TM9SF2: variants seen among roughly 807,000 people sequenced by gnomAD.
The protein encoded by TM9SF2 is 76 kDa membrane protein.
TM9SF2 carries 13 observed loss-of-function variants against 84.9 expected under a neutral mutation model. The ratio of observed to expected loss-of-function variants is 0.15; its 90% CI spans 0.10 to 0.24. TM9SF2 has a LOEUF of 0.24. Among genes scored for constraint, TM9SF2 ranks in the 10% least tolerant of loss-of-function variants. TM9SF2 has a pLI of 1.00. For synonymous variants in TM9SF2, 273 were observed against 285.8 expected, an observed-to-expected ratio of 0.96 and a Z score of 0.45; for missense variants, 562 against 818.5, an observed-to-expected ratio of 0.69 and a Z score of 3.82.
At position 99,506,819 on chromosome 13, in the gene TM9SF2, G is replaced by T. The variant is rs571962250; in HGVS notation, c.171+5042G>T. ...TGGTCTGTGCACTGTCAGCCTTAGAGCCCAGCTGCCCAAACCCTTACTTCC... is the reference window on the plus strand; with the variant it reads ...TGGTCTGTGCACTGTCAGCCTTAGATCCCAGCTGCCCAAACCCTTACTTCC... On this transcript the variant is annotated intron_variant, in intron 1 of 16. Coordinates refer to ENST00000376387, the MANE Select transcript of TM9SF2 (RefSeq NM_004800.3). Among the ~76,000 whole-genome samples, 8 of 152,264 alleles carry T rather than the reference G, an allele frequency of 5.3e-5. No homozygotes were observed. The South Asian group carries it at 1.5e-3, about 28-fold the overall frequency.
intron 5 of TM9SF2, 148 bp from the exon 6 acceptor site, chr13:99,537,587 TTAAG>T (rs1368988686): frequency 3.3e-6 from 2 of 598,888 alleles, no homozygotes; most frequent in African/African-American, 3.9e-5. Context: ...TAAAAAGAGT[TTAAG>T]TATAAAATTG....
intron 3 of TM9SF2, among the ~76,000 whole-genome samples, chr13:99,529,021 C>CT (rs371387884): frequency 4.6e-5 from 7 of 151,798 alleles, no homozygotes; most frequent in African/African-American, 1.2e-4. Flanking sequence ...TGCTGAATCT[C>CT]TATCACCTGA....
rs1204301851 is a variant in TM9SF2 at position 99,501,508 on chromosome 13, C to T, written c.-99C>T. 2 of 1,464,122 alleles carry T rather than the reference C, an allele frequency of 1.4e-6. No homozygotes were observed. The highest frequency in any genetic ancestry group is 1.8e-6 in the Non-Finnish European group (2 of 1,091,754). 90.7% of individuals were successfully genotyped at this position (1,464,122 alleles called of 1,614,324 possible). ...AACTAGCCTTCTGGGGGCCGGCTTC[C>T]TTTATCTCTGGCGGCCTTGTAGTCG... On this transcript the variant is annotated 5_prime_UTR_variant, in exon 1 of 17. Transcript: ENST00000376387.
chr13:99,517,638 A>C lies in TM9SF2; in HGVS notation c.196A>C (p.Arg66=). 1.3e-6 allele frequency: 2 copies of C among 1,588,744 alleles called. No individual in the cohort carries two copies. Among genetic ancestry groups the C allele is most frequent in the Non-Finnish European group, 1.7e-6 (2 of 1,168,982 alleles). Residue 66 remains arginine, a synonymous_variant, in exon 2 of 17, where the codon AGA becomes CGA. Coordinates refer to ENST00000376387, the MANE Select transcript of TM9SF2 (RefSeq NM_004800.3). ...CKAEIELFVN[R]LDSVESVLPY... ...GGCCGAAATAGAACTATTTGTGAAC[A>C]GACTTGATTCAGTGGAATCAGTTCT...
intron 3 of TM9SF2, among the ~76,000 whole-genome samples, chr13:99,523,915 C>A (rs899792448): frequency 1.3e-5 from 2 of 152,038 alleles, no homozygotes; most frequent in Non-Finnish European, 2.9e-5. Context: ...AAAAGCCTTA[C>A]CGAGAAGGTG....
intron 12 of TM9SF2, among the ~76,000 whole-genome samples, chr13:99,550,762 T>G (rs1015217830): frequency 2.0e-5 from 3 of 152,226 alleles, no homozygotes; most frequent in African/African-American, 7.2e-5. Flanking sequence ...TATTGAGCAT[T>G]GTTTTCAGGT....
At chr13:99,525,624 C>T (rs372946926) in intron 3 of TM9SF2, among the ~76,000 whole-genome samples, 4 of 148,628 alleles carry the variant, frequency 2.7e-5, no homozygotes, top group East Asian at 4.0e-4. Context: ...GGCGTGATCT[C>T]GGCTTACTGC....
At chr13:99,536,990 AG>A (rs1487031659) in intron 5 of TM9SF2, among the ~76,000 whole-genome samples, 1 of 152,218 alleles carries the variant, frequency 6.6e-6, no homozygotes, top group Non-Finnish European at 1.5e-5. Context: ...GGTAAGGTCT[AG>A]AAGTTTGTCC....
At chr13:99,547,810 T>A (rs923258752) in intron 11 of TM9SF2, among the ~76,000 whole-genome samples, 3 of 152,148 alleles carry the variant, frequency 2.0e-5, no homozygotes, top group Non-Finnish European at 4.4e-5. Context: ...ATACAGTGAT[T>A]CCCCACGGTC....
chr13:99,504,396 A>G (rs1034417672), intron 1 of TM9SF2, among the ~76,000 whole-genome samples: 3 of 152,230 alleles, frequency 2.0e-5, no homozygotes, highest in African/African-American at 7.2e-5. Context: ...GGATAATCAT[A>G]TTTGATTATG....
chr13:99,516,721 C>T (rs1360727554), intron 1 of TM9SF2, among the ~76,000 whole-genome samples: 2 of 152,224 alleles, frequency 1.3e-5, no homozygotes, highest in Non-Finnish European at 2.9e-5. Flanking sequence ...CCACCTTCTT[C>T]ACTGCTACTA....
At chr13:99,512,305 A>G (rs367860692) in intron 1 of TM9SF2, among the ~76,000 whole-genome samples, 33 of 152,230 alleles carry the variant, frequency 2.2e-4, no homozygotes, top group African/African-American at 7.7e-4. Context: ...GATATCATTC[A>G]GTTCCCACAT....
intron 1 of TM9SF2, among the ~76,000 whole-genome samples, chr13:99,505,151 A>C (rs1213354269): frequency 1.8e-5 from 2 of 113,916 alleles, no homozygotes; most frequent in African/African-American, 2.9e-5. Context: ...GGTCCCTAAG[A>C]CTTTTTTTTT....
intron 6 of TM9SF2, 108 bp from the exon 7 acceptor site, chr13:99,539,338 T>G: frequency 1.4e-6 from 1 of 708,978 alleles, no homozygotes; most frequent in East Asian, 2.5e-5. Flanking sequence ...ATGAATAATT[T>G]CACCTTTGTC....
chr13:99,512,189 G>C lies in TM9SF2; in HGVS notation c.172-5425G>C, dbSNP rs542350735. Among the ~76,000 whole-genome samples the C allele has an allele frequency of 2.6e-5, 4 of 152,278 alleles. No individual in the cohort carries two copies. In the South Asian group the frequency reaches 8.3e-4, roughly 32 times the overall value. On this transcript the variant is annotated intron_variant, in intron 1 of 16. Coordinates refer to ENST00000376387, the MANE Select transcript of TM9SF2 (RefSeq NM_004800.3). ...CCTTTATTCAGACTCAGGAATGGCA[G>C]TTTCTTTAAGATAATAGATTACAGC...
intron 15 of TM9SF2, among the ~76,000 whole-genome samples, chr13:99,557,415 C>T (rs181116975): frequency 8.9e-4 from 135 of 152,220 alleles, no homozygotes; most frequent in Admixed American, 2.6e-3. Flanking sequence ...TTTATTTATT[C>T]TGAATAGTAG....
At chr13:99,508,877 A>T (rs1050282795) in intron 1 of TM9SF2, among the ~76,000 whole-genome samples, 2 of 152,176 alleles carry the variant, frequency 1.3e-5, no homozygotes, top group Non-Finnish European at 2.9e-5. Context: ...CCCTACCTCC[A>T]GCATTAGGGA....
intron 1 of TM9SF2, among the ~76,000 whole-genome samples, chr13:99,512,298 A>G (rs1594045338): frequency 6.6e-6 from 1 of 152,186 alleles, no homozygotes; most frequent in East Asian, 1.9e-4. Flanking sequence ...TTATTATGAT[A>G]TCATTCAGTT....
intron 2 of TM9SF2, 108 bp from the exon 3 acceptor site, chr13:99,519,928 C>A: frequency 1.2e-6 from 1 of 856,580 alleles, no homozygotes; most frequent in Non-Finnish European, 1.8e-6. Context: ...TACTCATCTA[C>A]TAGAGCTGCT....
Sources: allele counts gnomAD v4.1 joint callset (sites outside exome capture counted in the v4.1 genomes callset), GRCh38; gene constraint gnomAD v4.1.1; transcripts MANE v1.5; gene names NCBI Gene and HGNC (gene_info 2026-07-23, HGNC 2026-07-21).